The following OPHN1 variants were observed in gnomAD, a reference collection of about 807,000 sequenced individuals.
The protein encoded by OPHN1 is oligophrenin-1.
A neutral mutation model predicts 60.7 loss-of-function variants in OPHN1; 11 were observed. The observed-to-expected ratio is 0.18, with a 90% CI of 0.11 to 0.30. OPHN1 has a LOEUF of 0.30. Ranked by LOEUF, OPHN1 falls within the 10% of genes least tolerant of loss-of-function variation. The probability of loss-of-function intolerance (pLI) is 1.00; values close to 1 mark genes in which losing one functional copy is unlikely to be tolerated. For missense variants in OPHN1, 449 were observed against 611.0 expected (o/e 0.73, Z 2.80); for synonymous variants, 226 against 222.6 (o/e 1.02, Z -0.14).
chrX:68,296,050 C>T (rs969497734), intron 3 of OPHN1, among the ~76,000 whole-genome samples: 1 of 111,332 alleles, frequency 9.0e-6, no homozygotes, highest in Non-Finnish European at 1.9e-5. Context: ...ACTGCTCTTT[C>T]CCAACAATAG....
At chrX:68,252,783 G>A (rs2077842490) in intron 5 of OPHN1, among the ~76,000 whole-genome samples, 1 of 111,122 alleles carries the variant, frequency 9.0e-6, no homozygotes, top group African/African-American at 3.3e-5. Context: ...GCCTACTAAT[G>A]CCAGCCACTT....
At chrX:68,127,402 A>G (rs1269918599) in intron 15 of OPHN1, among the ~76,000 whole-genome samples, 2 of 112,094 alleles carry the variant, frequency 1.8e-5, no homozygotes. Context: ...TTTTTAAAAA[A>G]GAATACTTCT....
chrX:68,403,475 C>G (rs1320657812), intron 2 of OPHN1, among the ~76,000 whole-genome samples: 1 of 111,357 alleles, frequency 9.0e-6, no homozygotes, highest in Non-Finnish European at 1.9e-5. Flanking sequence ...TTTGGAATTG[C>G]TACTCTTCCC....
chrX:68,293,498 A>C (rs141489074), intron 3 of OPHN1, among the ~76,000 whole-genome samples: 54 of 112,036 alleles, frequency 4.8e-4, no homozygotes, highest in African/African-American at 1.7e-3. Context: ...TGTTAGCATA[A>C]CTGGGGTGGA....
chrX:68,206,657 G>A lies in OPHN1; in HGVS notation c.849C>T (p.Ser283=), dbSNP rs759626983. Residue 283 remains serine (S), a synonymous_variant, in exon 10 of 25, where the codon TCC becomes TCT. Transcript: ENST00000355520. ...YTQEKWALGI[S]WVKYYCQYEK... The stretch of plus-strand genomic sequence containing the variant: ...CATACTGGCAATAGTATTTCACCCA[G>A]GATATTCCTAAAGCCCCTACAAGGA... 6.7e-6 allele frequency: 8 copies of A among 1,201,156 alleles called. No individual in the cohort carries two copies. Among genetic ancestry groups the A allele is most frequent in the South Asian group, 3.5e-5 (2 of 56,742 alleles).
chrX:68,076,389 C>G (rs1301875582), intron 19 of OPHN1, among the ~76,000 whole-genome samples: 1 of 108,236 alleles, frequency 9.2e-6, no homozygotes, highest in East Asian at 2.9e-4. Context: ...CATACAATGT[C>G]ATAGTGAATT....
At chrX:68,195,712 C>T (rs1035905495) in intron 12 of OPHN1, among the ~76,000 whole-genome samples, 30 of 111,986 alleles carry the variant, frequency 2.7e-4, no homozygotes, top group Non-Finnish European at 4.7e-4. Flanking sequence ...TTTGAACAGC[C>T]TCTCCTTAAA....
At chrX:68,083,776 C>T (rs751956174) in intron 19 of OPHN1, among the ~76,000 whole-genome samples, 2 of 111,602 alleles carry the variant, frequency 1.8e-5, no homozygotes, top group South Asian at 3.8e-4. Context: ...AGGCCTTTGT[C>T]GGGTTTTTAA....
At chrX:68,335,894 C>A (rs1173403606) in intron 2 of OPHN1, among the ~76,000 whole-genome samples, 1 of 111,470 alleles carries the variant, frequency 9.0e-6, no homozygotes, top group Non-Finnish European at 1.9e-5. Context: ...CATGTCTCTG[C>A]ACTTTAGCTT....
intron 15 of OPHN1, among the ~76,000 whole-genome samples, chrX:68,142,050 G>A (rs1160188470): frequency 3.6e-5 from 4 of 111,591 alleles, no homozygotes; most frequent in Non-Finnish European, 7.5e-5. Flanking sequence ...GTTCACAACC[G>A]GGGCCCCTGG....
chrX:68,219,655 C>T (rs1478700068), intron 6 of OPHN1, among the ~76,000 whole-genome samples: 1 of 111,496 alleles, frequency 9.0e-6, no homozygotes, highest in Non-Finnish European at 1.9e-5. Context: ...TACATGGAAA[C>T]TGAACAACTT....
At position 68,220,647 on chromosome X, in the gene OPHN1, A is replaced by G. The variant is rs757432941; in HGVS notation, c.487-6675T>C. On this transcript the variant is annotated intron_variant, in intron 6 of 24. Transcript: ENST00000355520. ...TCAATATATGCAAATCAATAAATGTAATCCAGCATATAAACAGAGCCAAAG... is the reference window on the plus strand; with the variant it reads ...TCAATATATGCAAATCAATAAATGTGATCCAGCATATAAACAGAGCCAAAG... 6.8e-3 allele frequency among the ~76,000 whole-genome samples: 622 copies of G among 91,961 alleles called. 7 individuals carry two copies. The highest frequency in any genetic ancestry group is 0.022 in the South Asian group (34 of 1,521). 79.9% of individuals were successfully genotyped at this position (91,961 alleles called of 115,157 possible). A position where few individuals can be genotyped will look rare whatever the true frequency, so the allele number is the denominator to read the frequency against.
chrX:68,167,494 T>A (rs1386964280), intron 15 of OPHN1, among the ~76,000 whole-genome samples: 1 of 110,459 alleles, frequency 9.1e-6, no homozygotes, highest in East Asian at 2.9e-4. Flanking sequence ...ATCAAATTGT[T>A]GGATATATAT....
intron 6 of OPHN1, among the ~76,000 whole-genome samples, chrX:68,215,269 A>C (rs972757226): frequency 2.7e-5 from 3 of 111,212 alleles, no homozygotes; most frequent in Non-Finnish European, 3.8e-5. Context: ...AATGTGGGAA[A>C]CTGAAATGCA....
At chrX:68,309,262 C>T (rs1393336056) in intron 2 of OPHN1, among the ~76,000 whole-genome samples, 1 of 111,848 alleles carries the variant, frequency 8.9e-6, no homozygotes, top group Non-Finnish European at 1.9e-5. Flanking sequence ...TTCTCTTTAA[C>T]ACTCTTGAGT....
chrX:68,307,486 G>T (rs983408443), intron 2 of OPHN1, among the ~76,000 whole-genome samples: 2 of 108,277 alleles, frequency 1.8e-5, no homozygotes, highest in Non-Finnish European at 3.8e-5. Context: ...AATTTATAGC[G>T]AATGGATATA....
chrX:68,272,401 C>T (rs1181626474), intron 5 of OPHN1, among the ~76,000 whole-genome samples: 2 of 112,375 alleles, frequency 1.8e-5, no homozygotes, highest in East Asian at 2.8e-4. Context: ...ATGTAAAACC[C>T]TCAGTGCAGG....
intron 15 of OPHN1, among the ~76,000 whole-genome samples, chrX:68,168,956 A>G (rs1258430646): frequency 9.0e-6 from 1 of 111,668 alleles, no homozygotes; most frequent in East Asian, 2.8e-4. Flanking sequence ...TAAACCAGGA[A>G]GAAGTTGACT....
At chrX:68,094,122 A>G (rs962640552) in intron 19 of OPHN1, among the ~76,000 whole-genome samples, 1 of 110,867 alleles carries the variant, frequency 9.0e-6, no homozygotes, top group East Asian at 2.8e-4. Flanking sequence ...CATTACCTAT[A>G]GAGCTGCAAT....
Sources: allele counts gnomAD v4.1 joint callset (sites outside exome capture counted in the v4.1 genomes callset), GRCh38; gene constraint gnomAD v4.1.1; transcripts MANE v1.5; gene names NCBI Gene and HGNC (gene_info 2026-07-23, HGNC 2026-07-21).